Variants in ATP9B observed in about 807,000 individuals in gnomAD.
ATP9B encodes the protein probable phospholipid-transporting ATPase IIB.
ATP9B carries 110 observed loss-of-function variants against 146.1 expected under a neutral mutation model. The ratio of observed to expected loss-of-function variants is 0.75; its 90% CI spans 0.65 to 0.88. The LOEUF (loss-of-function observed/expected upper bound fraction) is 0.88, where lower values mean the gene tolerates loss of function less well. Ranked by LOEUF, ATP9B falls within the 40% of genes least tolerant of loss-of-function variation. ATP9B has a pLI of 0.00. For missense variants in ATP9B, 1,499 were observed against 1,496.4 expected (o/e 1.00, Z -0.03); for synonymous variants, 604 against 569.7 (o/e 1.06, Z -0.86).
In ATP9B at chr18:79,113,378, AGTTAAATTAT is replaced by A. The variant is rs747650276; in HGVS notation, c.558+26_558+35del. On this transcript the variant is annotated intron_variant, in intron 4 of 29. Coordinates refer to ENST00000426216, the MANE Select transcript of ATP9B (RefSeq NM_198531.5). ...TGGTAAGAAAAGACTTTAAAAATTA[AGTTAAATTAT>A]GAAATATTTAGAATATAGTTTTAAG... is the stretch of plus-strand genomic sequence containing the variant. 5.1e-5 allele frequency: 67 copies of A among 1,320,440 alleles called. No homozygotes were observed. The Admixed American group carries it at 1.4e-3, about 28-fold the overall frequency. 81.8% of individuals were successfully genotyped at this position (1,320,440 alleles called of 1,614,324 possible). A position where few individuals can be genotyped will look rare whatever the true frequency, so the allele number is the denominator to read the frequency against.
chr18:79,184,982 GAA>G (rs11296587), intron 8 of ATP9B, among the ~76,000 whole-genome samples: 22 of 148,028 alleles, frequency 1.5e-4, no homozygotes, highest in African/African-American at 3.5e-4. Flanking sequence ...AAATTTGTCT[GAA>G]AAAAAAAAAC....
intron 2 of ATP9B, among the ~76,000 whole-genome samples, chr18:79,107,529 G>A (rs1434494325): frequency 6.6e-6 from 1 of 152,072 alleles, no homozygotes; most frequent in Admixed American, 6.6e-5. Context: ...CTCCGTGGGC[G>A]GCATTGTGCT....
chr18:79,181,323 A>T (rs1276387928), intron 8 of ATP9B, among the ~76,000 whole-genome samples: 1 of 151,894 alleles, frequency 6.6e-6, no homozygotes, highest in Non-Finnish European at 1.5e-5. Context: ...GTGTTGATGC[A>T]TTTTCATTTG....
chr18:79,211,822 T>C (rs753465630), intron 10 of ATP9B, among the ~76,000 whole-genome samples: 1 of 152,232 alleles, frequency 6.6e-6, no homozygotes, highest in Non-Finnish European at 1.5e-5. Context: ...GTCTTTCTGA[T>C]GTAGAAGTTT....
At chr18:79,368,681 G>A (rs958175173) in intron 26 of ATP9B, among the ~76,000 whole-genome samples, 31 of 152,124 alleles carry the variant, frequency 2.0e-4, no homozygotes, top group African/African-American at 6.8e-4. Context: ...GAAGAAATCA[G>A]TCACCGTAAT....
chr18:79,333,969 C>T lies in ATP9B; in HGVS notation c.2029-2659C>T, dbSNP rs553754149. On this transcript the variant is annotated intron_variant, in intron 17 of 29. Coordinates refer to ENST00000426216, the MANE Select transcript of ATP9B (RefSeq NM_198531.5). ...CAACATCTGGATGGAGAGTCTTAAG[C>T]AGCGAATCTTTCGGGACCTTCCAGA... Among the ~76,000 whole-genome samples, 7 of 152,298 alleles carry T rather than the reference C, an allele frequency of 4.6e-5. No homozygotes were observed. In the South Asian group the frequency reaches 1.5e-3, roughly 32 times the overall value.
At chr18:79,309,571 G>A (rs879065760) in intron 15 of ATP9B, among the ~76,000 whole-genome samples, 1 of 116,524 alleles carries the variant, frequency 8.6e-6, no homozygotes, top group African/African-American at 3.2e-5. Context: ...AGAAGGTCAG[G>A]GGCTGAGGAG....
At chr18:79,179,821 T>A (rs1338863005) in intron 8 of ATP9B, among the ~76,000 whole-genome samples, 1 of 152,220 alleles carries the variant, frequency 6.6e-6, no homozygotes, top group African/African-American at 2.4e-5. Flanking sequence ...GAAAGTGTTG[T>A]TTAAAAAAGT....
At chr18:79,072,455 C>A (rs1568355542) in intron 1 of ATP9B, among the ~76,000 whole-genome samples, 2 of 152,182 alleles carry the variant, frequency 1.3e-5, no homozygotes, top group African/African-American at 4.8e-5. Flanking sequence ...TTTCAGAGAG[C>A]ACGGGGTTGG....
intron 20 of ATP9B, among the ~76,000 whole-genome samples, chr18:79,342,568 C>G (rs1301720264): frequency 6.6e-6 from 1 of 151,374 alleles, no homozygotes; most frequent in African/African-American, 2.4e-5. Context: ...GCACATGTAC[C>G]CTAAAACTTT....
intron 8 of ATP9B, among the ~76,000 whole-genome samples, chr18:79,192,824 A>G (rs527423119): frequency 6.6e-6 from 1 of 152,238 alleles, no homozygotes; most frequent in African/African-American, 2.4e-5. Flanking sequence ...AGGAATTGCG[A>G]TGGTTCCTTA....
In ATP9B at chr18:79,337,276, C is replaced by T. The variant is rs759131445; in HGVS notation, c.2113-3C>T. The T allele has an allele frequency of 6.2e-7, 1 of 1,613,832 alleles. No individual in the cohort carries two copies. Among genetic ancestry groups the T allele is most frequent in the African/African-American group, 1.3e-5 (1 of 75,058 alleles). On this transcript the variant is annotated splice_region_variant and splice_polypyrimidine_tract_variant and intron_variant, in intron 18 of 29. Coordinates refer to ENST00000426216, the MANE Select transcript of ATP9B (RefSeq NM_198531.5). ...ACACAGGCGCCTCCCCCTCTGTCCC[C>T]AGAGCCGATACACTCAAGCCAAGCT...
At chr18:79,205,802 T>C (rs2095528209) in intron 9 of ATP9B, among the ~76,000 whole-genome samples, 1 of 152,214 alleles carries the variant, frequency 6.6e-6, no homozygotes, top group African/African-American at 2.4e-5. Flanking sequence ...ATTGAAAGTG[T>C]AAATGTAAAA....
At chr18:79,104,114 C>T (rs376641272) in intron 2 of ATP9B, among the ~76,000 whole-genome samples, 11 of 152,190 alleles carry the variant, frequency 7.2e-5, no homozygotes, top group Non-Finnish European at 1.3e-4. Flanking sequence ...AGGATAAGGA[C>T]GCGTGGCCCG....
chr18:79,200,788 T>TGGAGGTGGGGACTGTCG (rs1555749735), intron 9 of ATP9B, among the ~76,000 whole-genome samples: 1 of 35,458 alleles, frequency 2.8e-5, no homozygotes, highest in Non-Finnish European at 6.5e-5. Flanking sequence ...GAAGTAGTGG[T>TGGAGGTGGGGACTGTCG]GGAATTGTTT....
At chr18:79,195,818 C>T (rs773419529) in intron 9 of ATP9B, among the ~76,000 whole-genome samples, 4 of 151,962 alleles carry the variant, frequency 2.6e-5, no homozygotes, top group Non-Finnish European at 5.9e-5. Flanking sequence ...ACGAGATAAT[C>T]AAAGAGGTGA....
chr18:79,261,592 G>C (rs146017625), intron 12 of ATP9B, among the ~76,000 whole-genome samples: 385 of 152,198 alleles, frequency 2.5e-3, no homozygotes, highest in African/African-American at 9.0e-3. Context: ...AGCTCTGCCT[G>C]CACCTTCCAG....
intron 13 of ATP9B, among the ~76,000 whole-genome samples, chr18:79,292,590 A>T (rs751660234): frequency 6.6e-6 from 1 of 151,716 alleles, no homozygotes. Flanking sequence ...TCACATGGAG[A>T]TACTAGGGAT....
Position 79,377,383 on chromosome 18 carries a change from A to G in ATP9B, c.3444A>G (p.Ter1148=). The change falls in exon 30 of 30, where the codon TAA becomes TAG. Residue 1148 remains the stop codon, a stop_retained_variant. Coordinates refer to ENST00000426216, the MANE Select transcript of ATP9B (RefSeq NM_198531.5). The part of the protein sequence containing the change: ...SPPSYCKLAS[*] ...CCAGCTACTGCAAGCTGGCCTCCTA[A>G]GGGGCTGTGCACCCCCAGCGGGCTG... The G allele has an allele frequency of 6.2e-7, 1 of 1,607,030 alleles. No individual in the cohort carries two copies.
Sources: gnomAD v4.1 joint callset for allele counts (sites outside exome capture counted in the v4.1 genomes callset) on GRCh38, gnomAD v4.1.1 for gene constraint, MANE v1.5 for transcripts, NCBI Gene and HGNC (gene_info 2026-07-23, HGNC 2026-07-21) for gene names.